Variants in SLCO3A1 observed in about 807,000 individuals in gnomAD.
SLCO3A1 encodes solute carrier organic anion transporter family member 3A1.
In SLCO3A1, 27 loss-of-function variants were observed where a neutral mutation model predicts 63.1. That is an observed-to-expected ratio of 0.43 (90% CI 0.32 to 0.59). The LOEUF (loss-of-function observed/expected upper bound fraction) is 0.59. Among genes scored for constraint, SLCO3A1 ranks in the 20% least tolerant of loss-of-function variants. SLCO3A1 has a pLI of 0.09. For missense variants in SLCO3A1, 773 were observed against 945.8 expected (o/e 0.82, Z 2.40); for synonymous variants, 473 against 409.9 (o/e 1.15, Z -1.86).
At position 92,076,254 on chromosome 15, in the gene SLCO3A1, G is replaced by A. The variant is rs1178054178; in HGVS notation, c.647-18627G>A. 2.0e-5 allele frequency among the ~76,000 whole-genome samples: 3 copies of A among 152,092 alleles called. No homozygotes were observed. The East Asian group carries it at 5.8e-4, about 29-fold the overall frequency. ...GCTGGAGGTGAGGTTGGAAAGGGGT[G>A]AGAATGCATCGGTTGCGTGCAGCTG... On this transcript the variant is annotated intron_variant, in intron 2 of 9. Transcript: ENST00000318445.
intron 2 of SLCO3A1, among the ~76,000 whole-genome samples, chr15:92,089,646 C>T (rs2047447880): frequency 6.6e-6 from 1 of 152,098 alleles, no homozygotes; most frequent in South Asian, 2.1e-4. Context: ...TTCTTGAGGG[C>T]AAAATTCTTG....
At position 92,165,244 on chromosome 15, in the gene SLCO3A1, G is replaced by A; in HGVS notation, c.*2109G>A. 1.0e-5 allele frequency: 10 copies of A among 985,414 alleles called. No homozygotes were observed. The highest frequency in any genetic ancestry group is 1.2e-5 in the Non-Finnish European group (10 of 829,920). 61.0% of individuals were successfully genotyped at this position (985,414 alleles called of 1,614,324 possible). A position where few individuals can be genotyped will look rare whatever the true frequency, so the allele number is the denominator to read the frequency against. On this transcript the variant is annotated 3_prime_UTR_variant, in exon 10 of 10. Coordinates refer to ENST00000318445, the MANE Select transcript of SLCO3A1 (RefSeq NM_013272.4). ...CAGGCCTTTCAACTGCTTAGTGTTAGTATGTCCTTGCTTATGAAAATGGGG... is the reference window on the plus strand; with the variant it reads ...CAGGCCTTTCAACTGCTTAGTGTTAATATGTCCTTGCTTATGAAAATGGGG...
chr15:92,038,853 A>T (rs763054032), intron 2 of SLCO3A1, among the ~76,000 whole-genome samples: 1 of 152,218 alleles, frequency 6.6e-6, no homozygotes, highest in African/African-American at 2.4e-5. Flanking sequence ...TCTTCAAACT[A>T]TACTACAAGG....
chr15:92,150,283 C>T (rs1018657716), intron 8 of SLCO3A1, among the ~76,000 whole-genome samples: 1 of 152,182 alleles, frequency 6.6e-6, no homozygotes, highest in South Asian at 2.1e-4. Flanking sequence ...ATGGTGCCCA[C>T]CCAGATTGAG....
At chr15:92,029,016 T>C (rs2046613186) in intron 2 of SLCO3A1, among the ~76,000 whole-genome samples, 1 of 151,320 alleles carries the variant, frequency 6.6e-6, no homozygotes. Context: ...AAAAATGTCC[T>C]GTTTCCTTCA....
At chr15:92,058,808 C>T (rs191994460) in intron 2 of SLCO3A1, among the ~76,000 whole-genome samples, 1 of 152,070 alleles carries the variant, frequency 6.6e-6, no homozygotes, top group Non-Finnish European at 1.5e-5. Flanking sequence ...CTGTGCCTGC[C>T]CCGCCTGCCT....
At chr15:92,118,693 C>T (rs2047825222) in intron 4 of SLCO3A1, among the ~76,000 whole-genome samples, 1 of 152,170 alleles carries the variant, frequency 6.6e-6, no homozygotes, top group South Asian at 2.1e-4. Flanking sequence ...ACTCCCTGCC[C>T]ACCTGTTTAT....
At chr15:92,128,735 G>A (rs946809140) in intron 7 of SLCO3A1, among the ~76,000 whole-genome samples, 1 of 152,202 alleles carries the variant, frequency 6.6e-6, no homozygotes, top group Admixed American at 6.5e-5. Context: ...TGTATATATG[G>A]AACCAAAGGA....
intron 2 of SLCO3A1, among the ~76,000 whole-genome samples, chr15:91,999,882 A>C (rs566004402): frequency 6.6e-6 from 1 of 152,336 alleles, no homozygotes; most frequent in Admixed American, 6.5e-5. Flanking sequence ...TACTCTCGAA[A>C]ACCATAGATA....
chr15:91,936,412 G>A (rs576607507), intron 2 of SLCO3A1, among the ~76,000 whole-genome samples: 5 of 152,300 alleles, frequency 3.3e-5, no homozygotes, highest in East Asian at 3.9e-4. Flanking sequence ...AGCTAGATTC[G>A]AAGACCCAGT....
intron 1 of SLCO3A1, among the ~76,000 whole-genome samples, chr15:91,887,517 A>T (rs1394604156): frequency 2.0e-5 from 3 of 152,082 alleles, no homozygotes; most frequent in African/African-American, 7.2e-5. Flanking sequence ...TGACCCAAAC[A>T]ATGCTCATTT....
intron 3 of SLCO3A1, among the ~76,000 whole-genome samples, chr15:92,101,496 G>A (rs1289112119): frequency 3.3e-5 from 5 of 151,866 alleles, no homozygotes; most frequent in South Asian, 2.1e-4. Flanking sequence ...CCGACAGAGC[G>A]AGATCCACCT....
At chr15:92,030,612 A>G (rs1293557610) in intron 2 of SLCO3A1, among the ~76,000 whole-genome samples, 2 of 152,210 alleles carry the variant, frequency 1.3e-5, no homozygotes, top group East Asian at 3.8e-4. Flanking sequence ...CATTAAATCT[A>G]AAAGAATCTT....
intron 2 of SLCO3A1, among the ~76,000 whole-genome samples, chr15:91,949,617 G>A (rs1899929989): frequency 6.6e-6 from 1 of 152,076 alleles, no homozygotes; most frequent in Non-Finnish European, 1.5e-5. Context: ...GCGACAGAGT[G>A]AGACTCTGTC....
intron 2 of SLCO3A1, among the ~76,000 whole-genome samples, chr15:91,994,712 C>T (rs1042714253): frequency 6.6e-6 from 1 of 152,186 alleles, no homozygotes; most frequent in Non-Finnish European, 1.5e-5. Context: ...CATTACTTCC[C>T]ACTTGGAGAG....
Position 91,912,948 on chromosome 15 carries a change from A to G in SLCO3A1, c.181-3045A>G, listed in dbSNP as rs780598530. Among the ~76,000 whole-genome samples the G allele has an allele frequency of 4.5e-4, 69 of 152,284 alleles. No individual in the cohort carries two copies. The highest frequency in any genetic ancestry group is 6.7e-4 in the African/African-American group (28 of 41,562). On this transcript the variant is annotated intron_variant, in intron 1 of 9. Coordinates refer to ENST00000318445, the MANE Select transcript of SLCO3A1 (RefSeq NM_013272.4). This position sits in a 1 kb window ranked among gnomAD's most constrained non-coding sequence, Gnocchi z 5.0. ...TTTTTGTTGCCACATTGCATCACCT[A>G]TTATAAACCTCTGGTAAATCATTTA...
Position 92,165,698 on chromosome 15 carries a change from T to G in SLCO3A1, c.*2563T>G. The G allele has an allele frequency of 1.0e-6, 1 of 985,262 alleles. No homozygotes were observed. The highest frequency in any genetic ancestry group is 4.7e-5 in the South Asian group (1 of 21,278). 61.0% of individuals were successfully genotyped at this position (985,262 alleles called of 1,614,324 possible). The stretch of plus-strand genomic sequence containing the variant: ...TTCTGTTGTGTCGTCTTTTAAAATT[T>G]TAATTATTCTCATATAGTACCGAAC... On this transcript the variant is annotated 3_prime_UTR_variant, in exon 10 of 10. Coordinates refer to ENST00000318445, the MANE Select transcript of SLCO3A1 (RefSeq NM_013272.4).
intron 8 of SLCO3A1, chr15:92,149,573 TGTTCTCAAGGTCACCCAGCTA>T (rs1171456469): frequency 6.6e-6 from 1 of 152,274 alleles, no homozygotes; most frequent in Non-Finnish European, 1.5e-5. Context: ...AATTAGGCAG[TGTTCTCAAGGTCACCCAGCTA>T]GTACCTTTAG....
rs146086024 is a variant in SLCO3A1, at chr15:92,108,890, G to A, written c.1009+4348G>A. ...TGCTAGGTTAGCTGCATTCCTCTGA[G>A]TTCCACAGAATCCCTGCAAAGCACC... On this transcript the variant is annotated intron_variant, in intron 4 of 9. Transcript: ENST00000318445. Among the ~76,000 whole-genome samples the A allele has an allele frequency of 2.8e-3, 425 of 152,120 alleles. 1 individual carries two copies. The highest frequency in any genetic ancestry group is 9.9e-3 in the African/African-American group (411 of 41,492).
Sources: allele counts gnomAD v4.1 joint callset (sites outside exome capture counted in the v4.1 genomes callset), GRCh38; gene constraint gnomAD v4.1.1; non-coding constraint Gnocchi (gnomAD v3.1); transcripts MANE v1.5; gene names NCBI Gene and HGNC (gene_info 2026-07-23, HGNC 2026-07-21).